PRKG1: variants seen among roughly 807,000 people sequenced by gnomAD.
PRKG1 encodes cGMP-dependent protein kinase 1.
Under a neutral mutation model 88.1 loss-of-function variants are expected in PRKG1, and 35 were observed. The ratio of observed to expected loss-of-function variants is 0.40; its 90% confidence interval spans 0.30 to 0.53. The LOEUF is 0.53. PRKG1 is among the 20% of genes least tolerant of loss of function. The probability of loss-of-function intolerance (pLI) is 0.59; values close to 1 mark genes in which losing one functional copy is unlikely to be tolerated. For synonymous variants in PRKG1, 303 were observed against 292.5 expected, an observed-to-expected ratio of 1.04 and a Z score of -0.37; for missense variants, 540 against 839.8, an observed-to-expected ratio of 0.64 and a Z score of 4.41.
chr10:51,213,029 G>A (rs578116351), intron 2 of PRKG1, among the ~76,000 whole-genome samples: 33 of 152,160 alleles, frequency 2.2e-4, no homozygotes, highest in Admixed American at 7.2e-4. Flanking sequence ...TGTTTATTGC[G>A]GCACTATTCA....
chr10:51,480,560 T>TA (rs112795238), intron 3 of PRKG1, among the ~76,000 whole-genome samples: 4,372 of 140,756 alleles, frequency 0.031, 91 homozygotes, highest in Middle Eastern at 0.055. Context: ...CCTTGGCACC[T>TA]AAAAAAAAAA....
intron 5 of PRKG1, among the ~76,000 whole-genome samples, chr10:51,952,010 CAT>C (rs1387751264): frequency 6.6e-6 from 1 of 152,156 alleles, no homozygotes; most frequent in Non-Finnish European, 1.5e-5. Flanking sequence ...CATTTGTTAA[CAT>C]ATTTTCTGTA....
chr10:51,796,392 A>G (rs1291207463), intron 3 of PRKG1, among the ~76,000 whole-genome samples: 4 of 152,116 alleles, frequency 2.6e-5, no homozygotes, highest in African/African-American at 9.7e-5. Context: ...TAAATGTAAA[A>G]TTATTCCTAA....
intron 3 of PRKG1, among the ~76,000 whole-genome samples, chr10:51,572,668 CA>C (rs1263651924): frequency 1.3e-5 from 2 of 151,804 alleles, no homozygotes; most frequent in Admixed American, 6.6e-5. Context: ...ACTCTGGGAT[CA>C]GGCCAGCAAT....
intron 5 of PRKG1, among the ~76,000 whole-genome samples, chr10:52,027,186 A>G (rs774858498): frequency 1.2e-4 from 19 of 152,140 alleles, no homozygotes; most frequent in Non-Finnish European, 2.2e-4. Flanking sequence ...AGGTCACTAG[A>G]TAATCACTCA....
intron 2 of PRKG1, among the ~76,000 whole-genome samples, chr10:51,411,001 A>T (rs1564482642): frequency 6.8e-6 from 1 of 147,782 alleles, no homozygotes; most frequent in East Asian, 2.0e-4. Context: ...TTACAGGTTA[A>T]TTTTTTTTTT....
intron 2 of PRKG1, among the ~76,000 whole-genome samples, chr10:51,378,703 C>T (rs1384436464): frequency 6.6e-6 from 1 of 152,032 alleles, no homozygotes; most frequent in African/African-American, 2.4e-5. Flanking sequence ...AGTCTTGGCA[C>T]TGCTGCTATG....
At chr10:52,014,320 A>AGGAGAGAG in intron 5 of PRKG1, among the ~76,000 whole-genome samples, 1 of 152,298 alleles carries the variant, frequency 6.6e-6, no homozygotes, top group African/African-American at 2.4e-5. Flanking sequence ...ATATGGTGGC[A>AGGAGAGAG]GGAGAGAGAG....
chr10:51,148,270 G>T (rs1296422869), intron 1 of PRKG1: 1 of 985,084 alleles, frequency 1.0e-6, no homozygotes, highest in East Asian at 1.1e-4. Context: ...CAAGGTGACT[G>T]TGAAAATCAT....
intron 9 of PRKG1, among the ~76,000 whole-genome samples, chr10:52,239,686 C>T (rs540072273): frequency 2.7e-3 from 411 of 149,518 alleles, no homozygotes; most frequent in African/African-American, 9.7e-3. Context: ...AGCTTTAAGA[C>T]ATGAATGTCA....
In PRKG1 at chr10:51,940,988, T is replaced by C. The variant is rs542699572; in HGVS notation, c.762+33418T>C. 7.2e-5 allele frequency among the ~76,000 whole-genome samples: 11 copies of C among 152,026 alleles called. No individual in the cohort carries two copies. The South Asian group carries it at 2.3e-3, about 32-fold the overall frequency. Reference sequence around the variant, plus strand: ...GATAGAGAAAAGTATCAACTTACCATTGTAGTAATTCCATCTGTTCCCCTC... The same window carrying C: ...GATAGAGAAAAGTATCAACTTACCACTGTAGTAATTCCATCTGTTCCCCTC... On this transcript the variant is annotated intron_variant, in intron 5 of 17. Transcript: ENST00000373980.
chr10:51,281,306 G>C (rs113102825), intron 2 of PRKG1, among the ~76,000 whole-genome samples: 6 of 152,160 alleles, frequency 3.9e-5, no homozygotes, highest in African/African-American at 1.2e-4. Context: ...CTACTAGGGG[G>C]TCAGGGACCC....
chr10:51,553,761 A>G (rs1837205929), intron 3 of PRKG1, among the ~76,000 whole-genome samples: 1 of 133,484 alleles, frequency 7.5e-6, no homozygotes, highest in African/African-American at 2.6e-5. Context: ...TATATTAGAT[A>G]CGTGTATATA....
At chr10:51,670,607 G>A (rs1355348490) in intron 3 of PRKG1, among the ~76,000 whole-genome samples, 1 of 148,338 alleles carries the variant, frequency 6.7e-6, no homozygotes, top group African/African-American at 2.4e-5. Context: ...GTAGTGGCGG[G>A]CGCCTGTAGT....
intron 3 of PRKG1, among the ~76,000 whole-genome samples, chr10:51,476,069 G>A (rs924217634): frequency 3.3e-5 from 5 of 152,144 alleles, no homozygotes; most frequent in East Asian, 3.9e-4. Flanking sequence ...TCCATAGGTG[G>A]CCATTGACTT....
chr10:51,929,346 C>CTTTTTTTTTTTTTTTTT, intron 5 of PRKG1, among the ~76,000 whole-genome samples: 1 of 109,670 alleles, frequency 9.1e-6, no homozygotes, highest in Non-Finnish European at 1.8e-5. Flanking sequence ...GAATTCCTTC[C>CTTTTTTTTTTTTTTTTT]TTTTTTTTTT....
At position 51,558,785 on chromosome 10, in the gene PRKG1, G is replaced by A. The variant is rs572475980; in HGVS notation, c.592+90949G>A. Among the ~76,000 whole-genome samples the A allele has an allele frequency of 5.9e-5, 9 of 152,214 alleles. No homozygotes were observed. In the South Asian group the frequency reaches 6.2e-4, roughly 11 times the overall value. On this transcript the variant is annotated intron_variant, in intron 3 of 17. Transcript: ENST00000373980. ...TAATGGAATGATTTCTTAAACTGAC[G>A]TGTAGACAAGCAGGTAGATAAAAAT... is the stretch of plus-strand genomic sequence containing the variant.
At chr10:51,105,547 G>A (rs1222580646) in intron 1 of PRKG1, among the ~76,000 whole-genome samples, 1 of 152,176 alleles carries the variant, frequency 6.6e-6, no homozygotes, top group East Asian at 1.9e-4. Context: ...ATATTGAGTA[G>A]TAGTTATATG....
intron 3 of PRKG1, among the ~76,000 whole-genome samples, chr10:51,541,011 C>A (rs2132111232): frequency 6.6e-6 from 1 of 152,316 alleles, no homozygotes; most frequent in African/African-American, 2.4e-5. Flanking sequence ...GCCACCACAT[C>A]CGGCCCAGTA....
Sources: allele counts gnomAD v4.1 joint callset (sites outside exome capture counted in the v4.1 genomes callset), GRCh38; gene constraint gnomAD v4.1.1; transcripts MANE v1.5; gene names NCBI Gene and HGNC (gene_info 2026-07-23, HGNC 2026-07-21).